The following NCAPH variants were observed in gnomAD, a reference collection of about 807,000 sequenced individuals.
NCAPH encodes the protein non-SMC condensin I complex subunit H.
In NCAPH, 38 loss-of-function variants were observed where a neutral mutation model predicts 85.5. That is an observed-to-expected ratio of 0.44 (90% CI 0.34 to 0.58). The LOEUF is 0.58. Ranked by LOEUF, NCAPH falls within the 20% of genes least tolerant of loss-of-function variation. The pLI is 0.01. For synonymous variants in NCAPH, 301 were observed against 335.1 expected, an observed-to-expected ratio of 0.90 and a Z score of 1.11; for missense variants, 789 against 916.6, an observed-to-expected ratio of 0.86 and a Z score of 1.80.
intron 12 of NCAPH, 79 bp downstream of exon 12, chr2:96,360,789 G>A: frequency 6.5e-7 from 1 of 1,547,520 alleles, no homozygotes; most frequent in South Asian, 1.2e-5. Flanking sequence ...GTGCCTTTGA[G>A]GAAAAGGGAG....
intron 1 of NCAPH, among the ~76,000 whole-genome samples, chr2:96,337,967 C>T (rs1231556566): frequency 1.3e-5 from 2 of 152,012 alleles, no homozygotes; most frequent in South Asian, 2.1e-4. Flanking sequence ...TGCTCTGTCC[C>T]CCAGGCTGGA....
chr2:96,337,519 A>T (rs902644824), intron 1 of NCAPH, among the ~76,000 whole-genome samples: 2 of 152,054 alleles, frequency 1.3e-5, no homozygotes, highest in Non-Finnish European at 2.9e-5. Context: ...TCCTGGGTTC[A>T]CGCTATTCTC....
chr2:96,373,976 G>A lies in NCAPH; in HGVS notation c.*625G>A, dbSNP rs1279759923. The A allele has an allele frequency of 2.0e-5, 3 of 152,246 alleles. No individual in the cohort carries two copies. The highest frequency in any genetic ancestry group is 2.1e-4 in the South Asian group (1 of 4,828). The allele number at this position is 152,246 out of a possible 1,614,324, so 9.4% of individuals were successfully genotyped here. The stretch of plus-strand genomic sequence containing the variant: ...CCTAAGGGCCAAGATGGTTTGCCTC[G>A]GAGGAGAATGGAAGAGAGAGATTGC... On this transcript the variant is annotated 3_prime_UTR_variant, in exon 18 of 18. Transcript: ENST00000240423.
rs562031655 is a variant in NCAPH at position 96,373,194 on chromosome 2, T to G, written c.2167-98T>G. 1.1e-5 allele frequency: 11 copies of G among 977,784 alleles called. No individual in the cohort carries two copies. In the African/African-American group the frequency reaches 1.8e-4, roughly 16 times the overall value. 60.6% of individuals were successfully genotyped at this position (977,784 alleles called of 1,614,324 possible). A position where few individuals can be genotyped will look rare whatever the true frequency, so the allele number is the denominator to read the frequency against. ...TTTTCTTATAATCATGGGACAAACT[T>G]TCTTCTTTGTAGTCACTACCTTGTG... On this transcript the variant is annotated intron_variant, in intron 17 of 17. Coordinates refer to ENST00000240423, the MANE Select transcript of NCAPH (RefSeq NM_015341.5).
At chr2:96,355,362 T>C (rs199513633) in intron 9 of NCAPH, among the ~76,000 whole-genome samples, 7 of 152,114 alleles carry the variant, frequency 4.6e-5, no homozygotes, top group East Asian at 1.9e-4. Flanking sequence ...AGAACTGGGA[T>C]TGGGGACAGC....
intron 6 of NCAPH, among the ~76,000 whole-genome samples, chr2:96,346,648 G>A (rs2064365254): frequency 6.6e-6 from 1 of 152,116 alleles, no homozygotes; most frequent in African/African-American, 2.4e-5. Context: ...TAGGCCTGGT[G>A]GGGTCAAAGA....
intron 1 of NCAPH, among the ~76,000 whole-genome samples, chr2:96,339,372 C>CACG (rs1461269250): frequency 4.6e-5 from 7 of 151,992 alleles, no homozygotes; most frequent in Non-Finnish European, 7.4e-5. Context: ...ACAGGCAGAT[C>CACG]ACGAGGTCAG....
chr2:96,373,408 A>G lies in NCAPH; in HGVS notation c.*57A>G. On this transcript the variant is annotated 3_prime_UTR_variant, in exon 18 of 18. Coordinates refer to ENST00000240423, the MANE Select transcript of NCAPH (RefSeq NM_015341.5). The stretch of plus-strand genomic sequence containing the variant: ...CCATCCCTTACTCAGTTGCCGGGAC[A>G]TCCCCAGTCTCGGGGGAAGAAGATG... 6.6e-7 allele frequency: 1 copy of G among 1,522,952 alleles called. No homozygotes were observed. 94.3% of individuals were successfully genotyped at this position (1,522,952 alleles called of 1,614,324 possible). A position where few individuals can be genotyped will look rare whatever the true frequency, so the allele number is the denominator to read the frequency against.
chr2:96,366,223 G>T (rs1392259429), intron 14 of NCAPH, among the ~76,000 whole-genome samples, 165 bp downstream of exon 14: 1 of 152,170 alleles, frequency 6.6e-6, no homozygotes, highest in Admixed American at 6.5e-5. Flanking sequence ...TGCTAATTAG[G>T]TTTGTGTGGA....
intron 16 of NCAPH, 69 bp downstream of exon 16, chr2:96,369,132 C>A: frequency 2.9e-6 from 4 of 1,392,004 alleles, no homozygotes; most frequent in Non-Finnish European, 4.0e-6. Flanking sequence ...GGCAGGCCTT[C>A]CACACACAAC....
At chr2:96,352,225 G>A (rs1436158422) in intron 7 of NCAPH, among the ~76,000 whole-genome samples, 1 of 152,112 alleles carries the variant, frequency 6.6e-6, no homozygotes, top group Admixed American at 6.5e-5. Flanking sequence ...AGTCTAAAAC[G>A]GTAAACCATC....
chr2:96,336,120 C>T (rs967707883), intron 1 of NCAPH, among the ~76,000 whole-genome samples: 1 of 151,896 alleles, frequency 6.6e-6, no homozygotes, highest in Non-Finnish European at 1.5e-5. Flanking sequence ...CCCGGGCGGG[C>T]GGTGGGGCGG....
intron 15 of NCAPH, 109 bp from the exon 16 acceptor site, chr2:96,368,862 GT>G (rs2104501782): frequency 2.2e-6 from 2 of 891,602 alleles, no homozygotes. Context: ...TAAGAAATTT[GT>G]TTTCATTTTG....
At chr2:96,337,672 C>T (rs2064233094) in intron 1 of NCAPH, among the ~76,000 whole-genome samples, 1 of 152,186 alleles carries the variant, frequency 6.6e-6, no homozygotes, top group South Asian at 2.1e-4. Context: ...CCCGCCTCAG[C>T]CTCCCAAAGT....
rs573801758 is a variant in NCAPH, at chr2:96,369,091, G to C, written c.2090+28G>C. On this transcript the variant is annotated intron_variant, in intron 16 of 17. Transcript: ENST00000240423. ...GCGGGCTGGCAGGCATGGGGGCTTT[G>C]TTGGGGCTCACCTCTCTGAGCTGTC... 6.7e-5 allele frequency: 104 copies of C among 1,550,082 alleles called. No homozygotes were observed. The South Asian group carries it at 1.2e-3, about 18-fold the overall frequency.
At chr2:96,367,520 C>CACGTGT (rs1265308810) in intron 15 of NCAPH, 147 bp downstream of exon 15, 4 of 571,172 alleles carry the variant, frequency 7.0e-6, no homozygotes, top group Non-Finnish European at 1.3e-5. Flanking sequence ...TGGTGGCTCA[C>CACGTGT]ACGTGTAATC....
chr2:96,352,025 GT>G lies in NCAPH; in HGVS notation c.910+6del. On this transcript the variant is annotated splice_donor_region_variant and intron_variant, in intron 7 of 17. Transcript: ENST00000240423. The stretch of plus-strand genomic sequence containing the variant: ...TAGAAATGACAGATTTAAAAGGTAA[GT>G]ACAAGTGATGCCTTTCACCAGAGCA... 6.2e-7 allele frequency: 1 copy of G among 1,603,908 alleles called. No individual in the cohort carries two copies. The highest frequency in any genetic ancestry group is 8.5e-7 in the Non-Finnish European group (1 of 1,174,742).
chr2:96,358,677 C>T (rs937670363), intron 9 of NCAPH, among the ~76,000 whole-genome samples: 3 of 152,162 alleles, frequency 2.0e-5, no homozygotes, highest in Non-Finnish European at 4.4e-5. Flanking sequence ...ACTGTGTTAG[C>T]CAGGGTGGTC....
intron 8 of NCAPH, among the ~76,000 whole-genome samples, chr2:96,353,815 T>A (rs533467009): frequency 2.0e-5 from 3 of 152,102 alleles, no homozygotes; most frequent in Non-Finnish European, 4.4e-5. Context: ...TGTGTAGAGC[T>A]TTCCTCTGTG....
Sources: allele counts gnomAD v4.1 joint callset (sites outside exome capture counted in the v4.1 genomes callset), GRCh38; gene constraint gnomAD v4.1.1; transcripts MANE v1.5; gene names NCBI Gene and HGNC (gene_info 2026-07-23, HGNC 2026-07-21).